Variants in LRP1B observed in about 807,000 individuals in gnomAD.
LRP1B encodes the protein low-density lipoprotein receptor-related protein 1B.
Under a neutral mutation model 556.6 loss-of-function variants are expected in LRP1B, and 217 were observed. The ratio of observed to expected loss-of-function variants is 0.39; its 90% confidence interval spans 0.35 to 0.44. The LOEUF (loss-of-function observed/expected upper bound fraction) is 0.44. Ranked by LOEUF, LRP1B falls within the 20% of genes least tolerant of loss-of-function variation. The pLI, the probability that LRP1B is intolerant of heterozygous loss-of-function variation, is 1.00. For missense variants in LRP1B, 5,053 were observed against 5,620.8 expected, an observed-to-expected ratio of 0.90 and a Z score of 3.23; for synonymous variants, 2,047 against 1,865.8, an observed-to-expected ratio of 1.10 and a Z score of -2.50.
chr2:141,866,482 A>G (rs190959772), intron 1 of LRP1B, among the ~76,000 whole-genome samples: 6 of 152,350 alleles, frequency 3.9e-5, no homozygotes, highest in African/African-American at 7.2e-5. Context: ...ACATTTACCT[A>G]TATGAAAACT....
chr2:141,917,880 A>G (rs1700080908), intron 1 of LRP1B, among the ~76,000 whole-genome samples: 1 of 152,172 alleles, frequency 6.6e-6, no homozygotes, highest in African/African-American at 2.4e-5. Context: ...TAGTAGAATA[A>G]TGTTTATTGC....
At chr2:141,997,401 A>ATG (rs1387527094) in intron 1 of LRP1B, among the ~76,000 whole-genome samples, 1 of 130,306 alleles carries the variant, frequency 7.7e-6, no homozygotes, top group African/African-American at 2.9e-5. Flanking sequence ...ACATATATAT[A>ATG]TATAAATGTA....
chr2:141,530,686 A>G (rs1193647091), intron 2 of LRP1B, among the ~76,000 whole-genome samples: 5 of 152,100 alleles, frequency 3.3e-5, no homozygotes, highest in South Asian at 2.1e-4. Context: ...ATTAGATAAG[A>G]TTATCAGAAA....
chr2:141,734,684 C>T (rs1032378705), intron 2 of LRP1B, among the ~76,000 whole-genome samples: 4 of 152,128 alleles, frequency 2.6e-5, no homozygotes, highest in Non-Finnish European at 5.9e-5. Context: ...GGCCTCTCTG[C>T]CTGTCTCCTT....
intron 1 of LRP1B, among the ~76,000 whole-genome samples, chr2:141,816,518 G>A (rs539630237): frequency 1.3e-5 from 2 of 152,094 alleles, no homozygotes. Flanking sequence ...CTCTCAGGCC[G>A]TCAGCCACAG....
intron 66 of LRP1B, among the ~76,000 whole-genome samples, chr2:140,410,691 C>A (rs962428872): frequency 1.3e-5 from 2 of 152,092 alleles, no homozygotes; most frequent in Non-Finnish European, 2.9e-5. Context: ...ATTAAATCTG[C>A]ATTAATTTAG....
intron 21 of LRP1B, among the ~76,000 whole-genome samples, chr2:140,910,429 T>C (rs976473774): frequency 6.6e-6 from 1 of 151,796 alleles, no homozygotes; most frequent in African/African-American, 2.4e-5. Context: ...GTAATCATTT[T>C]AAAATAAGGA....
intron 1 of LRP1B, among the ~76,000 whole-genome samples, chr2:141,895,647 G>A (rs1699430093): frequency 6.6e-6 from 1 of 152,082 alleles, no homozygotes; most frequent in Admixed American, 6.6e-5. Flanking sequence ...GGAAAATACA[G>A]AATGTAAAAA....
At chr2:141,075,962 G>A (rs1174626662) in intron 7 of LRP1B, among the ~76,000 whole-genome samples, 1 of 152,204 alleles carries the variant, frequency 6.6e-6, no homozygotes, top group African/African-American at 2.4e-5. Flanking sequence ...TAATATTGCA[G>A]TGATGATAAA....
At chr2:140,960,455 TCA>T (rs1696001575) in intron 18 of LRP1B, among the ~76,000 whole-genome samples, 1 of 151,696 alleles carries the variant, frequency 6.6e-6, no homozygotes, top group African/African-American at 2.4e-5. Context: ...AAATGAGAAA[TCA>T]CAGTGTCATT....
intron 41 of LRP1B, among the ~76,000 whole-genome samples, chr2:140,675,268 C>G (rs552933333): frequency 2.2e-4 from 33 of 152,308 alleles, no homozygotes; most frequent in African/African-American, 7.5e-4. Context: ...GAAGAACTGA[C>G]TAAAGCCTAG....
chr2:140,650,845 G>T (rs1396967087), intron 41 of LRP1B, among the ~76,000 whole-genome samples: 1 of 152,036 alleles, frequency 6.6e-6, no homozygotes, highest in Non-Finnish European at 1.5e-5. Flanking sequence ...ATTTCCCCTC[G>T]AAAGTAATTA....
chr2:141,294,447 G>A (rs1686101415), intron 3 of LRP1B, among the ~76,000 whole-genome samples: 1 of 151,984 alleles, frequency 6.6e-6, no homozygotes, highest in South Asian at 2.1e-4. Context: ...AACAGGTTGG[G>A]TGCTGTGGCT....
chr2:141,550,805 T>C (rs1197339805), intron 2 of LRP1B, among the ~76,000 whole-genome samples: 1 of 152,138 alleles, frequency 6.6e-6, no homozygotes, highest in Non-Finnish European at 1.5e-5. Context: ...CCTGTATTCA[T>C]CCATTCCTTC....
chr2:141,394,107 A>C (rs542919837), intron 3 of LRP1B, among the ~76,000 whole-genome samples: 3 of 152,292 alleles, frequency 2.0e-5, no homozygotes, highest in Non-Finnish European at 4.4e-5. Context: ...ATCAGATAGT[A>C]AATAAAATAT....
At chr2:140,983,901 G>A (rs1447925015) in intron 17 of LRP1B, among the ~76,000 whole-genome samples, 2 of 151,730 alleles carry the variant, frequency 1.3e-5, no homozygotes, top group Non-Finnish European at 2.9e-5. Context: ...TGCTTCTGAA[G>A]TTTTTAATGT....
intron 11 of LRP1B, among the ~76,000 whole-genome samples, chr2:141,042,929 G>A (rs923487111): frequency 1.3e-5 from 2 of 149,250 alleles, no homozygotes; most frequent in Non-Finnish European, 3.0e-5. Flanking sequence ...TCACCGTTGG[G>A]GACTGTAATC....
intron 3 of LRP1B, among the ~76,000 whole-genome samples, chr2:141,422,922 G>A (rs1476473609): frequency 3.3e-5 from 5 of 152,014 alleles, no homozygotes; most frequent in Admixed American, 1.3e-4. Context: ...GAAGTAAGAG[G>A]GAATTATTGT....
chr2:141,509,273 C>A (rs1357155204), intron 2 of LRP1B, among the ~76,000 whole-genome samples: 3 of 152,052 alleles, frequency 2.0e-5, no homozygotes, highest in African/African-American at 7.2e-5. Flanking sequence ...AACAGATATT[C>A]ATCAAAACTG....
Sources: allele counts gnomAD v4.1 joint callset (sites outside exome capture counted in the v4.1 genomes callset), GRCh38; gene constraint gnomAD v4.1.1; transcripts MANE v1.5; gene names NCBI Gene and HGNC (gene_info 2026-07-23, HGNC 2026-07-21).